Variants in SEC24D observed in about 807,000 individuals in gnomAD.
SEC24D encodes the protein protein transport protein Sec24D.
A neutral mutation model predicts 116.9 loss-of-function variants in SEC24D; 69 were observed. The observed-to-expected ratio is 0.59, with a 90% CI of 0.49 to 0.72. The LOEUF (loss-of-function observed/expected upper bound fraction) is 0.72, where lower values mean the gene tolerates loss of function less well. SEC24D is among the 30% of genes least tolerant of loss of function. The pLI is 0.00. For synonymous variants in SEC24D, 405 were observed against 442.8 expected (o/e 0.91, Z 1.07); for missense variants, 1,131 against 1,264.1 (o/e 0.89, Z 1.60).
intron 2 of SEC24D, 38 bp from the exon 3 acceptor site, chr4:118,824,787 GT>G: frequency 3.3e-6 from 5 of 1,524,538 alleles, no homozygotes; most frequent in Non-Finnish European, 3.5e-6. Context: ...GTGTATTAAA[GT>G]ACAAAGAGAG....
intron 17 of SEC24D, among the ~76,000 whole-genome samples, chr4:118,739,544 A>C (rs1726134286): frequency 1.3e-5 from 2 of 152,140 alleles, no homozygotes; most frequent in African/African-American, 4.8e-5. Flanking sequence ...GTAAATATCT[A>C]TTTCACATTT....
chr4:118,780,050 C>T (rs1383489194), intron 8 of SEC24D, among the ~76,000 whole-genome samples: 2 of 152,136 alleles, frequency 1.3e-5, no homozygotes, highest in Non-Finnish European at 2.9e-5. Flanking sequence ...TTTCAAAAAA[C>T]CAGCTCCTGG....
At chr4:118,780,386 T>C (rs1312739167) in intron 8 of SEC24D, among the ~76,000 whole-genome samples, 1 of 152,238 alleles carries the variant, frequency 6.6e-6, no homozygotes, top group Non-Finnish European at 1.5e-5. Flanking sequence ...AGCAGGATGT[T>C]CGGTTTCCAT....
At chr4:118,785,834 C>T (rs1728645454) in intron 8 of SEC24D, among the ~76,000 whole-genome samples, 2 of 152,006 alleles carry the variant, frequency 1.3e-5, no homozygotes, top group South Asian at 4.2e-4. Flanking sequence ...GATGACATCC[C>T]TCTTAAATGT....
At chr4:118,799,469 G>A (rs1005012689) in intron 7 of SEC24D, among the ~76,000 whole-genome samples, 3 of 152,194 alleles carry the variant, frequency 2.0e-5, no homozygotes, top group African/African-American at 7.2e-5. Flanking sequence ...CTGGGCTAAA[G>A]TCTGGGGTGG....
chr4:118,791,418 T>G (rs1378014442), intron 8 of SEC24D, among the ~76,000 whole-genome samples: 1 of 152,216 alleles, frequency 6.6e-6, no homozygotes, highest in Non-Finnish European at 1.5e-5. Flanking sequence ...TAACAAGTTA[T>G]CTAACTCTGT....
chr4:118,819,028 G>A (rs1730275943), intron 3 of SEC24D, among the ~76,000 whole-genome samples: 1 of 152,076 alleles, frequency 6.6e-6, no homozygotes, highest in African/African-American at 2.4e-5. Flanking sequence ...CACAGTAAAA[G>A]TTTTCTTTAT....
intron 2 of SEC24D, among the ~76,000 whole-genome samples, chr4:118,829,787 G>C (rs1429945693): frequency 6.6e-6 from 1 of 152,066 alleles, no homozygotes; most frequent in Non-Finnish European, 1.5e-5. Context: ...ACTCCAGCCT[G>C]GGTAATAAGA....
At chr4:118,746,194 G>A (rs933508035) in intron 13 of SEC24D, among the ~76,000 whole-genome samples, 3 of 125,130 alleles carry the variant, frequency 2.4e-5, no homozygotes, top group African/African-American at 9.3e-5. Flanking sequence ...AGAAAAGGAG[G>A]AAAGAAGGAA....
rs746872118 is a variant in SEC24D at position 118,815,010 on chromosome 4, A to G, written c.801+18T>C. 1 of 1,611,614 alleles carries G rather than the reference A, an allele frequency of 6.2e-7. No homozygotes were observed. Reference sequence around the variant, plus strand: ...GCTCCTTTGTGAGTGAGACTGTGAGAGTGAGAAGAGTACTTACTGGGCTAG... The same window carrying G: ...GCTCCTTTGTGAGTGAGACTGTGAGGGTGAGAAGAGTACTTACTGGGCTAG... On this transcript the variant is annotated intron_variant, in intron 6 of 22. Coordinates refer to ENST00000280551, the MANE Select transcript of SEC24D (RefSeq NM_014822.4).
chr4:118,724,212 G>A (rs962163670), intron 22 of SEC24D, among the ~76,000 whole-genome samples: 10 of 152,086 alleles, frequency 6.6e-5, no homozygotes, highest in Admixed American at 3.9e-4. Flanking sequence ...GAGATGATCA[G>A]GTTCTGAATT....
chr4:118,728,534 A>T, intron 22 of SEC24D, 27 bp downstream of exon 22: 1 of 1,412,206 alleles, frequency 7.1e-7, no homozygotes, highest in Non-Finnish European at 9.9e-7. Flanking sequence ...CATTTGAATA[A>T]AGGGAAAAAT....
chr4:118,739,774 T>C (rs779282457), intron 17 of SEC24D, among the ~76,000 whole-genome samples: 4 of 152,178 alleles, frequency 2.6e-5, no homozygotes, highest in Non-Finnish European at 4.4e-5. Flanking sequence ...AAAATAAACT[T>C]TAGTTAAAAG....
chr4:118,833,767 C>T (rs1376692896), intron 1 of SEC24D, 30 bp from the exon 2 acceptor site: 30 of 1,052,576 alleles, frequency 2.9e-5, no homozygotes, highest in Non-Finnish European at 4.2e-5. Context: ...AACATGTTAC[C>T]AAGACAGTTT....
chr4:118,834,112 A>G (rs1297063382), intron 1 of SEC24D, among the ~76,000 whole-genome samples: 2 of 152,236 alleles, frequency 1.3e-5, no homozygotes, highest in African/African-American at 4.8e-5. Flanking sequence ...ATGCCATTCA[A>G]TTGACTGACC....
chr4:118,743,378 C>G (rs1453893956), intron 15 of SEC24D, among the ~76,000 whole-genome samples: 2 of 145,418 alleles, frequency 1.4e-5, no homozygotes, highest in South Asian at 2.3e-4. Flanking sequence ...CACACACACA[C>G]AGTTGTCTCT....
intron 9 of SEC24D, among the ~76,000 whole-genome samples, 155 bp from the exon 10 acceptor site, chr4:118,765,072 T>C (rs1472837132): frequency 2.0e-5 from 3 of 152,226 alleles, no homozygotes; most frequent in African/African-American, 7.2e-5. Context: ...CCTACTATTT[T>C]AAAAACATGT....
chr4:118,789,948 T>G (rs1027343941), intron 8 of SEC24D, among the ~76,000 whole-genome samples: 1 of 152,198 alleles, frequency 6.6e-6, no homozygotes, highest in Non-Finnish European at 1.5e-5. Context: ...CAGGTAAAAT[T>G]TTCCCAGAAA....
chr4:118,788,291 A>G (rs1357126549), intron 8 of SEC24D, among the ~76,000 whole-genome samples: 1 of 152,274 alleles, frequency 6.6e-6, no homozygotes, highest in African/African-American at 2.4e-5. Flanking sequence ...CTGGAAAAGT[A>G]AGACAGACAC....
Sources: gnomAD v4.1 joint callset for allele counts (sites outside exome capture counted in the v4.1 genomes callset) on GRCh38, gnomAD v4.1.1 for gene constraint, MANE v1.5 for transcripts, NCBI Gene and HGNC (gene_info 2026-07-23, HGNC 2026-07-21) for gene names.